NLGN1: variants seen among roughly 807,000 people sequenced by gnomAD.
NLGN1 encodes neuroligin 1.
In NLGN1, 12 loss-of-function variants were observed where a neutral mutation model predicts 65.5. The observed-to-expected ratio is 0.18, with a 90% confidence interval of 0.12 to 0.30. The LOEUF is 0.30. Among genes scored for constraint, NLGN1 ranks in the 10% least tolerant of loss-of-function variants. The probability of loss-of-function intolerance (pLI) is 1.00; values close to 1 mark genes in which losing one functional copy is unlikely to be tolerated. For synonymous variants in NLGN1, 350 were observed against 359.5 expected (o/e 0.97, Z 0.30); for missense variants, 750 against 1,007.1 (o/e 0.74, Z 3.46).
intron 3 of NLGN1, among the ~76,000 whole-genome samples, chr3:173,719,243 T>C (rs3843977): frequency 0.87 from 132,321 of 152,180 alleles, 57,677 homozygotes; most frequent in East Asian, 1. Flanking sequence ...AAATTTATTT[T>C]GATCTCTGAT....
chr3:173,787,393 A>T lies in NLGN1; in HGVS notation c.494-20287A>T, dbSNP rs189647552. Among the ~76,000 whole-genome samples the T allele has an allele frequency of 4.2e-3, 644 of 152,322 alleles. 21 individuals carry two copies. Among genetic ancestry groups the T allele is most frequent in the East Asian group, 1.2e-3 (6 of 5,186 alleles). ...TCAAATGTGATTTCCACATATTCTT[A>T]AAAATACACTTTTTTGTAGAAACAC... On this transcript the variant is annotated intron_variant, in intron 3 of 6. Coordinates refer to ENST00000457714, the Ensembl canonical transcript of NLGN1.
chr3:174,211,027 C>G (rs1217003558), intron 4 of NLGN1, among the ~76,000 whole-genome samples: 1 of 152,070 alleles, frequency 6.6e-6, no homozygotes, highest in Non-Finnish European at 1.5e-5. Context: ...GGAGTCTGTC[C>G]CTTCTGATGT....
chr3:174,013,156 A>T (rs747770914), intron 4 of NLGN1, among the ~76,000 whole-genome samples: 4 of 152,194 alleles, frequency 2.6e-5, no homozygotes, highest in Non-Finnish European at 5.9e-5. Flanking sequence ...ATTTTGCACA[A>T]AGCAGTGAAT....
chr3:174,212,020 G>A (rs145911522), intron 4 of NLGN1, among the ~76,000 whole-genome samples: 4,528 of 152,290 alleles, frequency 0.03, 90 homozygotes, highest in Middle Eastern at 0.078. Flanking sequence ...CATGGAGCAG[G>A]GGGTGGTGTT....
intron 4 of NLGN1, among the ~76,000 whole-genome samples, chr3:174,256,666 A>C (rs369434698): frequency 6.6e-6 from 1 of 152,220 alleles, no homozygotes; most frequent in African/African-American, 2.4e-5. Flanking sequence ...TGGAAATGAA[A>C]TACCCCTATA....
chr3:174,000,145 T>C (rs1723005759), intron 4 of NLGN1, among the ~76,000 whole-genome samples: 1 of 152,150 alleles, frequency 6.6e-6, no homozygotes, highest in African/African-American at 2.4e-5. Context: ...GGTCCACTGA[T>C]GATGGTTCCT....
chr3:173,546,476 A>G (rs1446926868), intron 2 of NLGN1, among the ~76,000 whole-genome samples: 4 of 152,194 alleles, frequency 2.6e-5, no homozygotes, highest in Non-Finnish European at 5.9e-5. Flanking sequence ...TAAGTGAACA[A>G]AAGTTTATTA....
chr3:173,429,813 C>T (rs979528111), intron 1 of NLGN1, among the ~76,000 whole-genome samples: 19 of 152,158 alleles, frequency 1.2e-4, no homozygotes, highest in Non-Finnish European at 2.1e-4. Context: ...TGTATATCCC[C>T]GCTGTGTGGG....
intron 4 of NLGN1, among the ~76,000 whole-genome samples, chr3:174,127,569 A>T (rs1440238951): frequency 6.6e-6 from 1 of 152,102 alleles, no homozygotes; most frequent in Non-Finnish European, 1.5e-5. Context: ...TGTGTCGGTC[A>T]TACTACCTTC....
At chr3:173,430,569 G>A (rs1716995678) in intron 1 of NLGN1, among the ~76,000 whole-genome samples, 1 of 152,206 alleles carries the variant, frequency 6.6e-6, no homozygotes, top group African/African-American at 2.4e-5. Context: ...CTTCTCCCCT[G>A]TAAAGCTGTC....
chr3:174,225,685 T>G (rs530663430), intron 4 of NLGN1, among the ~76,000 whole-genome samples: 30 of 151,304 alleles, frequency 2.0e-4, no homozygotes, highest in Admixed American at 1.9e-3. Context: ...GAGCGGAGAT[T>G]GCGCCACTGC....
chr3:174,183,519 T>C (rs1190497696), intron 4 of NLGN1, among the ~76,000 whole-genome samples: 1 of 152,048 alleles, frequency 6.6e-6, no homozygotes, highest in Non-Finnish European at 1.5e-5. Flanking sequence ...ATGGCACTAA[T>C]AAACAAAACC....
At chr3:173,618,887 A>G (rs945507531) in intron 3 of NLGN1, among the ~76,000 whole-genome samples, 1 of 152,124 alleles carries the variant, frequency 6.6e-6, no homozygotes, top group Non-Finnish European at 1.5e-5. Context: ...GCCTCAGAAC[A>G]CATTGCAGAG....
intron 3 of NLGN1, among the ~76,000 whole-genome samples, chr3:173,647,344 A>G (rs769520203): frequency 2.0e-5 from 3 of 152,172 alleles, no homozygotes; most frequent in Non-Finnish European, 2.9e-5. Flanking sequence ...CCAATTTGAC[A>G]TAATTGACAT....
intron 3 of NLGN1, among the ~76,000 whole-genome samples, chr3:173,713,204 CTG>C (rs1769286013): frequency 1.3e-5 from 2 of 152,090 alleles, no homozygotes; most frequent in South Asian, 4.1e-4. Context: ...GTCAACTTGA[CTG>C]TGATAATGTG....
At chr3:173,943,776 C>A (rs576887164) in intron 4 of NLGN1, among the ~76,000 whole-genome samples, 3 of 152,178 alleles carry the variant, frequency 2.0e-5, no homozygotes, top group Non-Finnish European at 4.4e-5. Context: ...GGAAGCCTAA[C>A]AAAGCTTCCC....
intron 4 of NLGN1, among the ~76,000 whole-genome samples, chr3:174,116,486 TGCC>T (rs771055338): frequency 2.0e-5 from 3 of 151,902 alleles, no homozygotes; most frequent in Admixed American, 6.6e-5. Context: ...TACAAGTATG[TGCC>T]ACCATGCCTG....
intron 4 of NLGN1, among the ~76,000 whole-genome samples, chr3:173,953,077 C>A (rs1323120868): frequency 6.6e-6 from 1 of 152,096 alleles, no homozygotes; most frequent in African/African-American, 2.4e-5. Flanking sequence ...CCGTGCTCAG[C>A]CCTAAAATTT....
intron 3 of NLGN1, among the ~76,000 whole-genome samples, chr3:173,746,344 G>A (rs565159871): frequency 2.0e-5 from 3 of 152,124 alleles, no homozygotes; most frequent in South Asian, 2.1e-4. Context: ...TTCATTTTCT[G>A]TTCTTATTCT....
Sources: gnomAD v4.1 joint callset for allele counts (sites outside exome capture counted in the v4.1 genomes callset) on GRCh38, gnomAD v4.1.1 for gene constraint, MANE v1.5 for transcripts, NCBI Gene and HGNC (gene_info 2026-07-23, HGNC 2026-07-21) for gene names.